The following BLK variants were observed in gnomAD, a reference collection of about 807,000 sequenced individuals.
The protein encoded by BLK is BLK proto-oncogene, Src family tyrosine kinase.
In BLK, 64 loss-of-function variants were observed where a neutral mutation model predicts 61.8. The observed-to-expected ratio is 1.03, with a 90% CI of 0.85 to 1.27. BLK has a LOEUF of 1.27. BLK is among the 50% of genes most tolerant of loss of function. The pLI, the probability that BLK is intolerant of heterozygous loss-of-function variation, is 0.00. For missense variants in BLK, 853 were observed against 660.5 expected (o/e 1.29, Z -3.19); for synonymous variants, 351 against 272.0 (o/e 1.29, Z -2.86).
At chr8:11,535,264 G>GAAAGAAAGA (rs1800072336) in intron 1 of BLK, among the ~76,000 whole-genome samples, 1 of 70,700 alleles carries the variant, frequency 1.4e-5, no homozygotes, top group Non-Finnish European at 2.9e-5. Context: ...AAAGAAAGAA[G>GAAAGAAAGA]AAAGAAAGAA....
chr8:11,505,753 C>G, intron 1 of BLK, among the ~76,000 whole-genome samples: 1 of 152,296 alleles, frequency 6.6e-6, no homozygotes, highest in Middle Eastern at 3.4e-3. Flanking sequence ...GGCCAAGTCT[C>G]CCATTGAGGC....
At chr8:11,536,658 C>A (rs1313594551) in intron 1 of BLK, among the ~76,000 whole-genome samples, 4 of 152,204 alleles carry the variant, frequency 2.6e-5, no homozygotes, top group African/African-American at 7.2e-5. Context: ...TCTCCCACCT[C>A]AACCTCGCAA....
chr8:11,564,050 A>C lies in BLK; in HGVS notation c.1460A>C (p.Gln487Pro), dbSNP rs766841412. ...GAGCGGCCCACCTTCGAGTTCCTGC[A>C]GTCGGTGCTGGAGGACTTCTACACG... ...PEERPTFEFL[Q>P]SVLEDFYTAT... The change falls in exon 13 of 13, where the codon CAG becomes CCG. Residue 487 changes from glutamine to proline, a missense_variant. Transcript: ENST00000259089. 27 of 1,602,684 alleles carry C rather than the reference A, an allele frequency of 1.7e-5. No homozygotes were observed. The highest frequency in any genetic ancestry group is 2.2e-5 in the Non-Finnish European group (26 of 1,178,222).
intron 3 of BLK, among the ~76,000 whole-genome samples, chr8:11,547,359 G>A (rs1035090917): frequency 6.6e-6 from 1 of 152,238 alleles, no homozygotes; most frequent in Non-Finnish European, 1.5e-5. Flanking sequence ...TGCTCTCCAG[G>A]TGACCTTCAT....
At chr8:11,513,329 G>C (rs1466695030) in intron 1 of BLK, among the ~76,000 whole-genome samples, 1 of 152,216 alleles carries the variant, frequency 6.6e-6, no homozygotes, top group Non-Finnish European at 1.5e-5. Flanking sequence ...AGACCTTGGT[G>C]ATTCGTGGAC....
chr8:11,549,612 C>T (rs138235420), intron 5 of BLK, among the ~76,000 whole-genome samples: 7 of 152,358 alleles, frequency 4.6e-5, no homozygotes, highest in African/African-American at 1.2e-4. Flanking sequence ...AGAGCCCCCA[C>T]GAATCTGCTC....
chr8:11,495,273 C>T (rs191250637), intron 1 of BLK, among the ~76,000 whole-genome samples: 83 of 152,294 alleles, frequency 5.4e-4, no homozygotes, highest in Non-Finnish European at 9.0e-4. Context: ...TCACCCTCAT[C>T]CACCCACATT....
intron 1 of BLK, among the ~76,000 whole-genome samples, chr8:11,538,748 G>C (rs75908053): frequency 6.6e-6 from 1 of 152,240 alleles, no homozygotes; most frequent in African/African-American, 2.4e-5. Flanking sequence ...GCCCTTCGTT[G>C]AGTCAGGGAG....
At chr8:11,537,795 G>A (rs919038833) in intron 1 of BLK, among the ~76,000 whole-genome samples, 2 of 152,202 alleles carry the variant, frequency 1.3e-5, no homozygotes, top group African/African-American at 4.8e-5. Context: ...CTAGCCAAGT[G>A]CAAATAAGGG....
intron 5 of BLK, chr8:11,549,928 C>G: frequency 1.8e-6 from 1 of 565,490 alleles, no homozygotes; most frequent in Non-Finnish European, 3.2e-6. Context: ...GTTCTTGTTT[C>G]GTTCTAGGAA....
intron 1 of BLK, among the ~76,000 whole-genome samples, chr8:11,507,643 C>A (rs1223415855): frequency 3.3e-5 from 5 of 152,182 alleles, no homozygotes; most frequent in African/African-American, 1.2e-4. Context: ...TCCCAATGGA[C>A]CAGCTTGGGG....
At chr8:11,506,033 C>T (rs1157817938) in intron 1 of BLK, among the ~76,000 whole-genome samples, 1 of 152,190 alleles carries the variant, frequency 6.6e-6, no homozygotes, top group African/African-American at 2.4e-5. Flanking sequence ...CCACAGTGGG[C>T]CCAACAGGGA....
chr8:11,537,205 A>C (rs966395342), intron 1 of BLK, among the ~76,000 whole-genome samples: 2 of 152,216 alleles, frequency 1.3e-5, no homozygotes, highest in Non-Finnish European at 2.9e-5. Flanking sequence ...ATTCAGAGCC[A>C]TAGGCCAATC....
intron 1 of BLK, among the ~76,000 whole-genome samples, chr8:11,536,344 T>C (rs1800132819): frequency 6.6e-6 from 1 of 152,178 alleles, no homozygotes; most frequent in Admixed American, 6.5e-5. Flanking sequence ...AAGATAATTA[T>C]TGAATGTGGG....
At chr8:11,541,228 G>A (rs1450059653) in intron 1 of BLK, among the ~76,000 whole-genome samples, 2 of 152,162 alleles carry the variant, frequency 1.3e-5, no homozygotes, top group Admixed American at 6.5e-5. Context: ...AGATTAGGTC[G>A]TGGGACTCCA....
intron 1 of BLK, among the ~76,000 whole-genome samples, chr8:11,511,898 A>G (rs962428538): frequency 3.6e-4 from 55 of 152,160 alleles, no homozygotes; most frequent in African/African-American, 1.3e-3. Flanking sequence ...GGTAAATGAA[A>G]CTATTTACTC....
At chr8:11,548,213 T>G in intron 4 of BLK, 88 bp downstream of exon 4, 2 of 1,186,340 alleles carry the variant, frequency 1.7e-6, no homozygotes, top group African/African-American at 1.5e-5. Flanking sequence ...CCTCCATGGC[T>G]GACCCTGGAA....
chr8:11,562,805 G>A (rs959034334), intron 11 of BLK, among the ~76,000 whole-genome samples, 174 bp from the exon 12 acceptor site: 14 of 152,222 alleles, frequency 9.2e-5, no homozygotes, highest in Non-Finnish European at 1.8e-4. Context: ...CACTCACCTG[G>A]TCATGTGTCC....
Position 11,546,033 on chromosome 8 carries a change from T to C in BLK, c.124-19T>C, listed in dbSNP as rs1051351361. On this transcript the variant is annotated intron_variant, in intron 2 of 12. Coordinates refer to ENST00000259089, the MANE Select transcript of BLK (RefSeq NM_001715.3). ...GCAGCAGGGACTGAAATAACTCAAG[T>C]GTGTGTTTTCTACCCAAGGTTGTCT... 9 of 1,613,518 alleles carry C rather than the reference T, an allele frequency of 5.6e-6. No homozygotes were observed. The African/African-American group carries it at 8.0e-5, about 14-fold the overall frequency.
Sources: gnomAD v4.1 joint callset for allele counts (sites outside exome capture counted in the v4.1 genomes callset) on GRCh38, gnomAD v4.1.1 for gene constraint, MANE v1.5 for transcripts, NCBI Gene and HGNC (gene_info 2026-07-23, HGNC 2026-07-21) for gene names.